CLSTN2: variants seen among roughly 807,000 people sequenced by gnomAD.
CLSTN2 encodes the protein calsyntenin 2.
A neutral mutation model predicts 101.2 loss-of-function variants in CLSTN2; 48 were observed. The ratio of observed to expected loss-of-function variants is 0.47; its 90% CI spans 0.38 to 0.60. The LOEUF (loss-of-function observed/expected upper bound fraction) is 0.60, where lower values mean the gene tolerates loss of function less well. Among genes scored for constraint, CLSTN2 ranks in the 20% least tolerant of loss-of-function variants. The pLI is 0.00. For missense variants in CLSTN2, 1,160 were observed against 1,238.2 expected (o/e 0.94, Z 0.95); for synonymous variants, 481 against 463.6 (o/e 1.04, Z -0.48).
In CLSTN2 at chr3:139,935,703, G is replaced by A. The variant is rs925247321; in HGVS notation, c.109+220G>A. Among the ~76,000 whole-genome samples the A allele has an allele frequency of 1.3e-5, 2 of 151,538 alleles. No homozygotes were observed. The highest frequency in any genetic ancestry group is 2.9e-5 in the Non-Finnish European group (2 of 67,856). On this transcript the variant is annotated intron_variant, in intron 1 of 16. Transcript: ENST00000458420. This position sits in a 1 kb window ranked among gnomAD's most constrained non-coding sequence, Gnocchi z 5.5. The stretch of plus-strand genomic sequence containing the variant: ...ACTCAACCCCTGGGCGGGGTCCGGG[G>A]GCTGAGCAGAAGGCGAGGTCTGGGG...
intron 1 of CLSTN2, among the ~76,000 whole-genome samples, chr3:140,107,479 A>G (rs542826165): frequency 6.6e-6 from 1 of 152,222 alleles, no homozygotes; most frequent in African/African-American, 2.4e-5. Context: ...GTTTCCTGTC[A>G]TTTCACCCTC....
intron 1 of CLSTN2, among the ~76,000 whole-genome samples, chr3:140,052,284 G>A (rs755831626): frequency 9.2e-5 from 14 of 152,182 alleles, no homozygotes; most frequent in East Asian, 5.8e-4. Flanking sequence ...TCAGCCTCCC[G>A]AGTAGCTGGG....
chr3:140,198,128 TG>T (rs1280381060), intron 2 of CLSTN2, among the ~76,000 whole-genome samples: 1 of 152,156 alleles, frequency 6.6e-6, no homozygotes, highest in Non-Finnish European at 1.5e-5. Flanking sequence ...ATAGGAAAAA[TG>T]TCTTTATATC....
At chr3:140,298,908 A>AATCTGAG (rs2087028322) in intron 2 of CLSTN2, among the ~76,000 whole-genome samples, 1 of 152,160 alleles carries the variant, frequency 6.6e-6, no homozygotes, top group South Asian at 2.1e-4. Context: ...GGGACTTGGG[A>AATCTGAG]ATCTGAGATC....
intron 1 of CLSTN2, among the ~76,000 whole-genome samples, chr3:139,944,152 G>A (rs1034715622): frequency 6.6e-6 from 1 of 152,158 alleles, no homozygotes; most frequent in Non-Finnish European, 1.5e-5. Context: ...CAAGTGAGAT[G>A]TGCACTCTTA....
intron 1 of CLSTN2, among the ~76,000 whole-genome samples, chr3:140,116,978 T>G (rs1208760674): frequency 6.6e-6 from 1 of 152,204 alleles, no homozygotes; most frequent in East Asian, 1.9e-4. Flanking sequence ...TGGTCAGTCT[T>G]CTGAAATTGC....
In CLSTN2 at chr3:140,271,072, G is replaced by A. The variant is rs545723738; in HGVS notation, c.232+94999G>A. On this transcript the variant is annotated intron_variant, in intron 2 of 16. Transcript: ENST00000458420. Reference sequence around the variant, plus strand: ...GTCTCTGGGTGATTTCCTTCCCGGGGAGCCACATAATCACTTTGCACTGGC... The same window carrying A: ...GTCTCTGGGTGATTTCCTTCCCGGGAAGCCACATAATCACTTTGCACTGGC... Among the ~76,000 whole-genome samples, 90 of 152,220 alleles carry A rather than the reference G, an allele frequency of 5.9e-4. 1 individual carries two copies. Among genetic ancestry groups the A allele is most frequent in the African/African-American group, 2.1e-3 (87 of 41,556 alleles).
chr3:140,105,250 T>C (rs1187517990), intron 1 of CLSTN2, among the ~76,000 whole-genome samples: 1 of 152,258 alleles, frequency 6.6e-6, no homozygotes, highest in Non-Finnish European at 1.5e-5. Flanking sequence ...TGCATTCATA[T>C]GCCTGTTTAT....
At chr3:140,245,202 T>C (rs1388565587) in intron 2 of CLSTN2, among the ~76,000 whole-genome samples, 3 of 152,222 alleles carry the variant, frequency 2.0e-5, no homozygotes, top group African/African-American at 7.2e-5. Flanking sequence ...TAGTAGGTAT[T>C]GAAGGAATGC....
chr3:140,403,958 G>A lies in CLSTN2; in HGVS notation c.428+134G>A, dbSNP rs575617426. ...TCCAACTTTGCTCAACTGCTTGGCA[G>A]TTTCCTGGTCCCATGCAGGCATCTT... is the stretch of plus-strand genomic sequence containing the variant. On this transcript the variant is annotated intron_variant, in intron 3 of 16. Transcript: ENST00000458420. 1.1e-5 allele frequency: 8 copies of A among 697,994 alleles called. No homozygotes were observed. In the East Asian group the frequency reaches 2.2e-4, roughly 19 times the overall value. The allele number at this position is 697,994 out of a possible 1,614,324, so 43.2% of individuals were successfully genotyped here.
intron 2 of CLSTN2, among the ~76,000 whole-genome samples, chr3:140,216,036 G>C (rs922155457): frequency 3.3e-5 from 5 of 152,146 alleles, no homozygotes; most frequent in African/African-American, 1.2e-4. Flanking sequence ...AGGTGAGCAG[G>C]GGGTGGGTGA....
In CLSTN2 at chr3:140,110,950, A is replaced by C. The variant is rs2009145546; in HGVS notation, c.110-65001A>C. On this transcript the variant is annotated intron_variant, in intron 1 of 16. Transcript: ENST00000458420. Reference sequence around the variant, plus strand: ...CATTGTCCAGTTTCCAGGTTGTGGAAACACAATCCAGATTGTAGCTTGTCC... The same window carrying C: ...CATTGTCCAGTTTCCAGGTTGTGGACACACAATCCAGATTGTAGCTTGTCC... 2.0e-5 allele frequency among the ~76,000 whole-genome samples: 3 copies of C among 152,194 alleles called. No homozygotes were observed. In the South Asian group the frequency reaches 6.2e-4, roughly 32 times the overall value.
At chr3:140,487,801 A>G (rs1419222728) in intron 8 of CLSTN2, among the ~76,000 whole-genome samples, 1 of 152,248 alleles carries the variant, frequency 6.6e-6, no homozygotes, top group Non-Finnish European at 1.5e-5. Context: ...ATCAAACACA[A>G]CTATGTCAAA....
chr3:140,029,958 G>A (rs1462312259), intron 1 of CLSTN2, among the ~76,000 whole-genome samples: 3 of 152,154 alleles, frequency 2.0e-5, no homozygotes, highest in African/African-American at 7.2e-5. Context: ...TTTTACTTCA[G>A]AGAAGGTAAA....
At chr3:140,393,125 T>C (rs1237300009) in intron 2 of CLSTN2, among the ~76,000 whole-genome samples, 1 of 152,126 alleles carries the variant, frequency 6.6e-6, no homozygotes, top group African/African-American at 2.4e-5. Flanking sequence ...CACTGCCACA[T>C]TGGGGATTAA....
intron 2 of CLSTN2, among the ~76,000 whole-genome samples, chr3:140,216,902 GCT>G (rs1559809075): frequency 6.6e-6 from 1 of 152,150 alleles, no homozygotes; most frequent in African/African-American, 2.4e-5. Flanking sequence ...CATATGCCAG[GCT>G]CTGTCATAAA....
chr3:140,239,284 C>T (rs191367965), intron 2 of CLSTN2, among the ~76,000 whole-genome samples: 5 of 152,284 alleles, frequency 3.3e-5, no homozygotes, highest in Admixed American at 3.3e-4. Flanking sequence ...CATACAAATA[C>T]ATACACGTAT....
At chr3:139,991,835 T>C (rs1026800209) in intron 1 of CLSTN2, among the ~76,000 whole-genome samples, 4 of 152,194 alleles carry the variant, frequency 2.6e-5, no homozygotes, top group Non-Finnish European at 5.9e-5. Flanking sequence ...AACATGGTTG[T>C]TATATAGCCT....
At chr3:140,015,190 C>T (rs1043056283) in intron 1 of CLSTN2, among the ~76,000 whole-genome samples, 2 of 152,148 alleles carry the variant, frequency 1.3e-5, no homozygotes, top group African/African-American at 4.8e-5. Flanking sequence ...GCAAATCTGC[C>T]CTAACTTTGC....
Sources: gnomAD v4.1 joint callset for allele counts (sites outside exome capture counted in the v4.1 genomes callset) on GRCh38, gnomAD v4.1.1 for gene constraint, Gnocchi (gnomAD v3.1) non-coding constraint, MANE v1.5 for transcripts, NCBI Gene and HGNC (gene_info 2026-07-23, HGNC 2026-07-21) for gene names.